HCRTR2: variants seen among roughly 807,000 people sequenced by gnomAD.
HCRTR2 encodes the protein orexin receptor type 2.
Under a neutral mutation model 49.0 loss-of-function variants are expected in HCRTR2, and 22 were observed. That is an observed-to-expected ratio of 0.45 (90% CI 0.32 to 0.64). HCRTR2 has a LOEUF of 0.64. Among genes scored for constraint, HCRTR2 ranks in the 30% least tolerant of loss-of-function variants. The pLI is 0.04. For missense variants in HCRTR2, 491 were observed against 559.4 expected (o/e 0.88, Z 1.23); for synonymous variants, 236 against 205.3 (o/e 1.15, Z -1.28).
chr6:55,152,425 TTTTG>T (rs1490167430), intron 1 of HCRTR2, among the ~76,000 whole-genome samples: 1 of 152,066 alleles, frequency 6.6e-6, no homozygotes, highest in Non-Finnish European at 1.5e-5. Context: ...ATTGGTATTT[TTTTG>T]TTTATTTGTC....
chr6:55,272,523 T>A (rs1766992078), intron 4 of HCRTR2, among the ~76,000 whole-genome samples: 1 of 151,982 alleles, frequency 6.6e-6, no homozygotes, highest in South Asian at 2.1e-4. Context: ...GTGAATTATA[T>A]CGCAATAAAA....
intron 1 of HCRTR2, among the ~76,000 whole-genome samples, chr6:55,116,379 T>C (rs897988920): frequency 6.6e-6 from 1 of 151,670 alleles, no homozygotes; most frequent in African/African-American, 2.4e-5. Flanking sequence ...TTAGGGAATA[T>C]ATATATTTTT....
chr6:55,210,761 A>G (rs1196144814), intron 1 of HCRTR2, among the ~76,000 whole-genome samples: 1 of 152,106 alleles, frequency 6.6e-6, no homozygotes, highest in African/African-American at 2.4e-5. Flanking sequence ...CCTTTTCATA[A>G]ACTAGACTTG....
intron 1 of HCRTR2, among the ~76,000 whole-genome samples, chr6:55,206,816 A>C (rs1419010160): frequency 1.3e-5 from 2 of 152,094 alleles, no homozygotes; most frequent in East Asian, 1.9e-4. Flanking sequence ...GATCACATCA[A>C]AAAAGGCAAA....
At chr6:55,191,755 A>T (rs908591171) in intron 1 of HCRTR2, among the ~76,000 whole-genome samples, 2 of 150,550 alleles carry the variant, frequency 1.3e-5, no homozygotes, top group African/African-American at 4.9e-5. Flanking sequence ...ACTGGTCTAC[A>T]CTAAGAGTTT....
intron 1 of HCRTR2, among the ~76,000 whole-genome samples, chr6:55,178,901 G>T (rs998592093): frequency 6.6e-6 from 1 of 152,104 alleles, no homozygotes; most frequent in East Asian, 1.9e-4. Context: ...GTTGTTAATA[G>T]GTTGTTGATA....
At chr6:55,238,514 A>G (rs991038116) in intron 1 of HCRTR2, among the ~76,000 whole-genome samples, 6 of 152,294 alleles carry the variant, frequency 3.9e-5, no homozygotes, top group African/African-American at 1.4e-4. Flanking sequence ...AATTCTCCAT[A>G]GTCTGTAGGA....
At chr6:55,142,640 A>G (rs1581792412) in intron 1 of HCRTR2, among the ~76,000 whole-genome samples, 1 of 152,226 alleles carries the variant, frequency 6.6e-6, no homozygotes, top group East Asian at 1.9e-4. Flanking sequence ...TAGTTAATAG[A>G]AAACATCATT....
At chr6:55,159,212 G>A (rs745486328) in intron 1 of HCRTR2, among the ~76,000 whole-genome samples, 7 of 152,048 alleles carry the variant, frequency 4.6e-5, no homozygotes, top group Non-Finnish European at 1.0e-4. Context: ...TTCAGCAGAC[G>A]GGCCTGAGTG....
In HCRTR2 at chr6:55,274,257, A is replaced by ATATATACTTATATATATATTTT. The variant is rs201814150; in HGVS notation, c.763-3123_763-3122insTATATACTTATATATATATTTT. ...ATTTTCAGTATATATATATATATATAATGAAATATATATACTTATACATAT... is the reference window on the plus strand; with the variant it reads ...ATTTTCAGTATATATATATATATATATATATACTTATATATATATTTTATGAAATATATATACTTATACATAT... On this transcript the variant is annotated intron_variant, in intron 4 of 6. Coordinates refer to ENST00000370862, the MANE Select transcript of HCRTR2 (RefSeq NM_001384272.1). Among the ~76,000 whole-genome samples, 18 of 34,042 alleles carry ATATATACTTATATATATATTTT rather than the reference A, an allele frequency of 5.3e-4. 1 individual carries two copies. Among genetic ancestry groups the ATATATACTTATATATATATTTT allele is most frequent in the East Asian group, 8.9e-4 (1 of 1,122 alleles). The allele number at this position is 34,042 out of a possible 152,430, so 22.3% of individuals were successfully genotyped here. A position where few individuals can be genotyped will look rare whatever the true frequency, so the allele number is the denominator to read the frequency against.
chr6:55,197,921 G>A (rs552912060), intron 1 of HCRTR2, among the ~76,000 whole-genome samples: 14 of 151,876 alleles, frequency 9.2e-5, no homozygotes, highest in East Asian at 1.9e-4. Context: ...ACGCCCAGCC[G>A]ACCCTTTCTC....
At chr6:55,187,692 T>TC (rs1170266290) in intron 1 of HCRTR2, among the ~76,000 whole-genome samples, 1 of 148,020 alleles carries the variant, frequency 6.8e-6, no homozygotes, top group Non-Finnish European at 1.5e-5. Context: ...CTTTTTTTTT[T>TC]TTTTTTTTTT....
chr6:55,234,454 T>C (rs898283479), intron 1 of HCRTR2, among the ~76,000 whole-genome samples: 4 of 152,172 alleles, frequency 2.6e-5, no homozygotes, highest in Non-Finnish European at 4.4e-5. Context: ...CTAGATTAAT[T>C]TGAGGATTAC....
chr6:55,112,492 C>T (rs980176173), intron 1 of HCRTR2, among the ~76,000 whole-genome samples: 16 of 147,008 alleles, frequency 1.1e-4, no homozygotes, highest in African/African-American at 4.0e-4. Flanking sequence ...CACTGCTTTA[C>T]ACTAACACGA....
intron 1 of HCRTR2, among the ~76,000 whole-genome samples, chr6:55,155,710 AG>A (rs1468522218): frequency 6.6e-6 from 1 of 152,052 alleles, no homozygotes; most frequent in African/African-American, 2.4e-5. Flanking sequence ...ATAGAAAAAA[AG>A]TTTGTAAAGA....
intron 3 of HCRTR2, among the ~76,000 whole-genome samples, chr6:55,262,182 T>C (rs1404493464): frequency 1.3e-5 from 2 of 151,378 alleles, no homozygotes; most frequent in African/African-American, 2.4e-5. Flanking sequence ...GCATGGGTGA[T>C]AGATGCACCA....
chr6:55,158,175 G>A (rs1046537698), intron 1 of HCRTR2, among the ~76,000 whole-genome samples: 1 of 152,126 alleles, frequency 6.6e-6, no homozygotes, highest in African/African-American at 2.4e-5. Flanking sequence ...AGCTGGATGG[G>A]GTGTCACCTC....
intron 1 of HCRTR2, among the ~76,000 whole-genome samples, chr6:55,157,830 A>AC (rs1764750901): frequency 6.6e-6 from 1 of 152,244 alleles, no homozygotes; most frequent in Non-Finnish European, 1.5e-5. Flanking sequence ...CCCAGTGCAG[A>AC]TATGACTGCA....
chr6:55,262,541 T>C (rs1169913169), intron 3 of HCRTR2, among the ~76,000 whole-genome samples: 1 of 132,076 alleles, frequency 7.6e-6, no homozygotes, highest in African/African-American at 2.8e-5. Context: ...ATATATAATA[T>C]AATATAACTT....
Sources: allele counts gnomAD v4.1 joint callset (sites outside exome capture counted in the v4.1 genomes callset), GRCh38; gene constraint gnomAD v4.1.1; transcripts MANE v1.5; gene names NCBI Gene and HGNC (gene_info 2026-07-23, HGNC 2026-07-21).